Variants in CEP63 observed in about 807,000 individuals in gnomAD.
CEP63 encodes the protein centrosomal protein of 63 kDa.
Under a neutral mutation model 89.1 loss-of-function variants are expected in CEP63, and 84 were observed. That is an observed-to-expected ratio of 0.94 (90% CI 0.79 to 1.13). The LOEUF is 1.13. Ranked by LOEUF, CEP63 falls within the 50% of genes most tolerant of loss-of-function variation. The pLI is 0.00. For synonymous variants in CEP63, 267 were observed against 272.5 expected (o/e 0.98, Z 0.20); for missense variants, 838 against 813.3 (o/e 1.03, Z -0.37).
At chr3:134,764,334 T>G in the CEP63 span, among the ~76,000 whole-genome samples, 2 of 152,192 alleles carry the variant, frequency 1.3e-5, no homozygotes, top group Admixed American at 1.3e-4. Flanking sequence ...ATCCTGGCTT[T>G]ATAGAGAATA....
chr3:134,680,528 T>G, the CEP63 span, among the ~76,000 whole-genome samples: 4 of 152,238 alleles, frequency 2.6e-5, no homozygotes, highest in African/African-American at 7.2e-5. Context: ...TAGACTTTAC[T>G]GAGCCTCAGT....
chr3:134,659,378 T>C, the CEP63 span, among the ~76,000 whole-genome samples: 203 of 152,338 alleles, frequency 1.3e-3, 1 homozygote, highest in South Asian at 9.3e-3. Context: ...CCTCCTTCTG[T>C]GCAGAATTCT....
the CEP63 span, among the ~76,000 whole-genome samples, chr3:134,781,170 G>A: frequency 2.0e-5 from 3 of 152,064 alleles, no homozygotes; most frequent in African/African-American, 7.2e-5. Flanking sequence ...CATTCTGTTT[G>A]TCTTCAAAAT....
At chr3:134,680,005 G>A in the CEP63 span, among the ~76,000 whole-genome samples, 4 of 152,156 alleles carry the variant, frequency 2.6e-5, no homozygotes, top group African/African-American at 9.7e-5. Flanking sequence ...GATTACAAGT[G>A]TGAGCCACCA....
the CEP63 span, among the ~76,000 whole-genome samples, chr3:134,775,673 A>G: frequency 3.9e-5 from 6 of 152,122 alleles, no homozygotes; most frequent in Non-Finnish European, 8.8e-5. Flanking sequence ...GGGGTAGAGA[A>G]TGGGAGACAT....
At chr3:134,627,183 G>A in the CEP63 span, among the ~76,000 whole-genome samples, 96,966 of 152,058 alleles carry the variant, frequency 0.64, 31,580 homozygotes, top group East Asian at 0.88. Context: ...TAAGATCTAA[G>A]TATGATTCTA....
At chr3:134,677,216 G>C in the CEP63 span, among the ~76,000 whole-genome samples, 1 of 152,136 alleles carries the variant, frequency 6.6e-6, no homozygotes, top group Non-Finnish European at 1.5e-5. Context: ...CGCAGATGGC[G>C]CCATTGCACT....
At chr3:134,571,015 A>C (rs1560072714) in intron 11 of CEP63, among the ~76,000 whole-genome samples, 2 of 152,260 alleles carry the variant, frequency 1.3e-5, no homozygotes, top group African/African-American at 4.8e-5. Flanking sequence ...TGAGAACAGC[A>C]CAAGAAAGAC....
intron 3 of CEP63, among the ~76,000 whole-genome samples, chr3:134,520,470 G>A (rs1309845118): frequency 6.6e-6 from 1 of 151,988 alleles, no homozygotes; most frequent in Non-Finnish European, 1.5e-5. Flanking sequence ...TATTTTAAAG[G>A]TATTGGTTTC....
chr3:134,593,566 C>T, the CEP63 span, among the ~76,000 whole-genome samples: 1 of 152,206 alleles, frequency 6.6e-6, no homozygotes. Context: ...GAGCCACAGG[C>T]TTCCCCAGGC....
At chr3:134,699,296 G>T in the CEP63 span, among the ~76,000 whole-genome samples, 1 of 152,218 alleles carries the variant, frequency 6.6e-6, no homozygotes, top group African/African-American at 2.4e-5. Context: ...AAGCTGGATG[G>T]ATCGGTCCTG....
At chr3:134,722,865 A>C in the CEP63 span, among the ~76,000 whole-genome samples, 1 of 152,186 alleles carries the variant, frequency 6.6e-6, no homozygotes, top group Non-Finnish European at 1.5e-5. Context: ...CAAATTCAAT[A>C]AAAGATGATT....
chr3:134,734,096 C>A, the CEP63 span, among the ~76,000 whole-genome samples: 1 of 152,154 alleles, frequency 6.6e-6, no homozygotes, highest in East Asian at 1.9e-4. Context: ...TATACATACT[C>A]ACTCTAAGGC....
chr3:134,600,765 T>C, the CEP63 span: 2 of 152,272 alleles, frequency 1.3e-5, no homozygotes, highest in African/African-American at 4.8e-5. Flanking sequence ...TTCAAGAAGT[T>C]ATTTCCAGGC....
the CEP63 span, among the ~76,000 whole-genome samples, chr3:134,722,012 C>T: frequency 0.012 from 1,780 of 152,184 alleles, 30 homozygotes; most frequent in African/African-American, 0.039. Context: ...GTGTTTCCGT[C>T]TCTTCTAAGT....
At chr3:134,547,242 T>C (rs1468176378) in intron 8 of CEP63, 93 bp from the exon 9 acceptor site, 2 of 1,209,026 alleles carry the variant, frequency 1.7e-6, no homozygotes, top group African/African-American at 3.0e-5. Context: ...TCCAAAGAGG[T>C]TACCAAAAAT....
the CEP63 span, among the ~76,000 whole-genome samples, chr3:134,769,183 G>T: frequency 6.6e-6 from 1 of 152,184 alleles, no homozygotes; most frequent in Non-Finnish European, 1.5e-5. Context: ...AGAGATGCAG[G>T]TACTGAGCCA....
At chr3:134,742,833 T>C in the CEP63 span, among the ~76,000 whole-genome samples, 1 of 152,234 alleles carries the variant, frequency 6.6e-6, no homozygotes, top group African/African-American at 2.4e-5. Flanking sequence ...CCTCACAAGA[T>C]GCTGGCCCCT....
the CEP63 span, among the ~76,000 whole-genome samples, chr3:134,690,374 T>C: frequency 3.9e-5 from 6 of 152,232 alleles, no homozygotes; most frequent in Admixed American, 2.0e-4. Flanking sequence ...TGTATTTCCG[T>C]ACTTCCTTCA....
Sources: allele counts gnomAD v4.1 joint callset (sites outside exome capture counted in the v4.1 genomes callset), GRCh38; gene constraint gnomAD v4.1.1; transcripts MANE v1.5; gene names NCBI Gene and HGNC (gene_info 2026-07-23, HGNC 2026-07-21).